PCDHGB3: variants seen among roughly 807,000 people sequenced by gnomAD.
The protein encoded by PCDHGB3 is protocadherin gamma-B3.
In PCDHGB3, 40 loss-of-function variants were observed where a neutral mutation model predicts 59.2. The ratio of observed to expected loss-of-function variants is 0.68; its 90% CI spans 0.52 to 0.88. The LOEUF (loss-of-function observed/expected upper bound fraction) is 0.88, where lower values mean the gene tolerates loss of function less well. Ranked by LOEUF, PCDHGB3 falls within the 40% of genes least tolerant of loss-of-function variation. The pLI is 0.00. For missense variants in PCDHGB3, 1,309 were observed against 1,187.9 expected, an observed-to-expected ratio of 1.10 and a Z score of -1.50; for synonymous variants, 581 against 503.6, an observed-to-expected ratio of 1.15 and a Z score of -2.06.
At chr5:141,510,898 T>C in intron 3 of PCDHGB3, 49 bp from the exon 4 acceptor site, 1 of 1,613,278 alleles carries the variant, frequency 6.2e-7, no homozygotes, top group Non-Finnish European at 8.5e-7. Context: ...ACAGTGACTG[T>C]TGAGGACCCT....
chr5:141,444,237 T>G (rs1315900009), intron 1 of PCDHGB3, among the ~76,000 whole-genome samples: 1 of 137,132 alleles, frequency 7.3e-6, no homozygotes, highest in Admixed American at 8.0e-5. Flanking sequence ...AATGGCATGC[T>G]CTCGGCTCAC....
At position 141,399,361 on chromosome 5, in the gene PCDHGB3, C is replaced by T. The variant is rs375619778; in HGVS notation, c.2415+26552C>T. 7.2e-5 allele frequency: 117 copies of T among 1,613,842 alleles called. No individual in the cohort carries two copies. Among genetic ancestry groups the T allele is most frequent in the Non-Finnish European group, 9.7e-5 (115 of 1,179,910 alleles). ...TGGAACCCTAGACCGAGAGCAAACC[C>T]CGGAGTACAATGTCACCATCACAGC... On this transcript the variant is annotated intron_variant, in intron 1 of 3. Transcript: ENST00000576222.
At chr5:141,427,721 A>C (rs904969652) in intron 1 of PCDHGB3, 3 of 1,110,498 alleles carry the variant, frequency 2.7e-6, no homozygotes, top group Non-Finnish European at 4.0e-6. Context: ...ACCTGGACCT[A>C]GGGCTGAATG....
intron 1 of PCDHGB3, among the ~76,000 whole-genome samples, chr5:141,450,616 A>G (rs2098687684): frequency 6.6e-6 from 1 of 151,486 alleles, no homozygotes; most frequent in African/African-American, 2.4e-5. Flanking sequence ...CCTCCTGAGT[A>G]GCTGGGATTA....
intron 1 of PCDHGB3, chr5:141,424,133 T>C: frequency 2.2e-6 from 1 of 450,350 alleles, no homozygotes; most frequent in South Asian, 9.6e-5. Flanking sequence ...GTTGATTTAA[T>C]AGCATGCTCC....
chr5:141,383,797 G>T, intron 1 of PCDHGB3: 1 of 1,613,962 alleles, frequency 6.2e-7, no homozygotes. Flanking sequence ...GCTTACAGGA[G>T]AAATATCAAC....
chr5:141,438,450 A>G (rs1017249043), intron 1 of PCDHGB3, among the ~76,000 whole-genome samples: 32 of 151,738 alleles, frequency 2.1e-4, no homozygotes, highest in African/African-American at 7.5e-4. Flanking sequence ...ACTCAATACA[A>G]TGCTTGAGTT....
chr5:141,418,363 C>G (rs147423305), intron 1 of PCDHGB3: 1 of 1,613,866 alleles, frequency 6.2e-7, no homozygotes, highest in Non-Finnish European at 8.5e-7. Context: ...ATTCGCTGAG[C>G]AAATACCAAC....
rs753256077 is a variant in PCDHGB3 at position 141,431,467 on chromosome 5, C to A, written c.2415+58658C>A. On this transcript the variant is annotated intron_variant, in intron 1 of 3. Coordinates refer to ENST00000576222, the MANE Select transcript of PCDHGB3 (RefSeq NM_018924.5). The surrounding 1 kb of genome is among the most constrained non-coding windows in gnomAD (Gnocchi z 4.8). The stretch of plus-strand genomic sequence containing the variant: ...TCCGCGTGATGGTTCTGGATGCGAA[C>A]GACAACGCACCAGCGTTTGCTCAGC... 1.9e-5 allele frequency: 31 copies of A among 1,613,684 alleles called. No homozygotes were observed. The highest frequency in any genetic ancestry group is 3.4e-6 in the Non-Finnish European group (4 of 1,179,964).
rs759250494 is a variant in PCDHGB3 at position 141,372,522 on chromosome 5, G to A, written c.2128G>A (p.Ala710Thr). The A allele has an allele frequency of 1.1e-5, 17 of 1,613,986 alleles. No individual in the cohort carries two copies. Among genetic ancestry groups the A allele is most frequent in the Non-Finnish European group, 1.4e-5 (17 of 1,179,874 alleles). The stretch of plus-strand genomic sequence containing the variant: ...GCTCTTCCTCCTCGCGGTGATTCTG[G>A]CAATCTCCCTGCGCCTGCGATGCTC... ...SVLFLLAVIL[A>T]ISLRLRCSSR... The change falls in exon 1 of 4, where the codon GCA becomes ACA. Residue 710 changes from alanine to threonine, a missense_variant. By Grantham distance (58) the Ala-to-Thr change is moderately conservative. Coordinates refer to ENST00000576222, the MANE Select transcript of PCDHGB3 (RefSeq NM_018924.5).
intron 1 of PCDHGB3, chr5:141,384,650 C>T (rs1213467381): frequency 6.2e-7 from 1 of 1,614,104 alleles, no homozygotes; most frequent in East Asian, 2.2e-5. Context: ...TCCGCAGAGC[C>T]CGGCTACCTG....
chr5:141,430,595 G>A (rs549786394), intron 1 of PCDHGB3: 28 of 567,134 alleles, frequency 4.9e-5, no homozygotes, highest in African/African-American at 3.8e-4. Flanking sequence ...CCTTGCACGC[G>A]CCTGAAGCAC....
rs115262984 is a variant in PCDHGB3 at position 141,463,089 on chromosome 5, C to T, written c.2416-31718C>T. ...AATGAAATTCAAACATTTTCCAGCC[C>T]TATGTGACCATCAAGAATTCAGCTA... On this transcript the variant is annotated intron_variant, in intron 1 of 3. Coordinates refer to ENST00000576222, the MANE Select transcript of PCDHGB3 (RefSeq NM_018924.5). Among the ~76,000 whole-genome samples the T allele has an allele frequency of 2.5e-3, 374 of 152,264 alleles. 2 individuals are homozygous for T. Among genetic ancestry groups the T allele is most frequent in the African/African-American group, 8.7e-3 (360 of 41,552 alleles).
chr5:141,432,415 G>A lies in PCDHGB3; in HGVS notation c.2415+59606G>A, dbSNP rs2097498934. The A allele has an allele frequency of 6.2e-7, 1 of 1,614,112 alleles. No homozygotes were observed. The highest frequency in any genetic ancestry group is 1.1e-5 in the South Asian group (1 of 91,092). On this transcript the variant is annotated intron_variant, in intron 1 of 3. Transcript: ENST00000576222. This position sits in a 1 kb window ranked among gnomAD's most constrained non-coding sequence, Gnocchi z 6.0. ...GCAACGTGTCGTTGAGCCTGTTCGT[G>A]CTGGACCAGAACGACAATGCGCCCG... is the stretch of plus-strand genomic sequence containing the variant.
chr5:141,466,766 T>G (rs1309395984), intron 1 of PCDHGB3, among the ~76,000 whole-genome samples: 2 of 152,194 alleles, frequency 1.3e-5, no homozygotes, highest in Non-Finnish European at 2.9e-5. Context: ...TTTCAAACTG[T>G]TATCTTATTC....
Position 141,477,833 on chromosome 5 carries a change from G to C in PCDHGB3, c.2416-16974G>C. Reference sequence around the variant, plus strand: ...CCCCCAGGTCCTATATCCTCGGCCAGGTGGGAGCTCGGTGGAGATGCTGCC... The same window carrying C: ...CCCCCAGGTCCTATATCCTCGGCCACGTGGGAGCTCGGTGGAGATGCTGCC... On this transcript the variant is annotated intron_variant, in intron 1 of 3. Transcript: ENST00000576222. This position sits in a 1 kb window ranked among gnomAD's most constrained non-coding sequence, Gnocchi z 4.9. The C allele has an allele frequency of 6.2e-7, 1 of 1,614,174 alleles. No individual in the cohort carries two copies.
At chr5:141,376,316 G>A (rs1178295234) in intron 1 of PCDHGB3, 2 of 1,614,224 alleles carry the variant, frequency 1.2e-6, no homozygotes, top group Non-Finnish European at 1.7e-6. Flanking sequence ...GGGCGTGGAA[G>A]GGGTTCGGGC....
At chr5:141,503,801 G>A (rs920669425) in intron 2 of PCDHGB3, among the ~76,000 whole-genome samples, 1 of 151,990 alleles carries the variant, frequency 6.6e-6, no homozygotes, top group Admixed American at 6.6e-5. Flanking sequence ...ACTTAGGGAC[G>A]GGGAATCCCA....
At chr5:141,422,333 T>C in intron 1 of PCDHGB3, 1 of 1,549,594 alleles carries the variant, frequency 6.5e-7, no homozygotes, top group Non-Finnish European at 8.7e-7. Flanking sequence ...GTGATTGCTC[T>C]TCTAAATGTG....
Sources: allele counts gnomAD v4.1 joint callset (sites outside exome capture counted in the v4.1 genomes callset), GRCh38; gene constraint gnomAD v4.1.1; non-coding constraint Gnocchi (gnomAD v3.1); transcripts MANE v1.5; gene names NCBI Gene and HGNC (gene_info 2026-07-23, HGNC 2026-07-21).